ERC2: variants seen among roughly 807,000 people sequenced by gnomAD.
ERC2 encodes ERC protein 2.
ERC2 carries 42 observed loss-of-function variants against 114.8 expected under a neutral mutation model. The ratio of observed to expected loss-of-function variants is 0.37; its 90% CI spans 0.29 to 0.47. The LOEUF is 0.47. ERC2 is among the 20% of genes least tolerant of loss of function. The pLI, the probability that ERC2 is intolerant of heterozygous loss-of-function variation, is 0.99. For missense variants in ERC2, 939 were observed against 1,150.7 expected (o/e 0.82, Z 2.66); for synonymous variants, 454 against 425.5 (o/e 1.07, Z -0.82).
intron 2 of ERC2, among the ~76,000 whole-genome samples, chr3:56,344,297 A>T (rs991681145): frequency 3.3e-5 from 5 of 152,136 alleles, no homozygotes; most frequent in African/African-American, 4.8e-5. Context: ...CCAGCCCTCC[A>T]TTGCCCTGGC....
At chr3:56,068,886 G>T (rs577086236) in intron 7 of ERC2, among the ~76,000 whole-genome samples, 268 of 152,204 alleles carry the variant, frequency 1.8e-3, no homozygotes, top group Non-Finnish European at 3.4e-3. Context: ...TTCTAATTTG[G>T]TTGCACTGTG....
intron 17 of ERC2, among the ~76,000 whole-genome samples, chr3:55,608,279 A>G (rs902159691): frequency 2.0e-5 from 3 of 152,246 alleles, no homozygotes; most frequent in Non-Finnish European, 4.4e-5. Context: ...TTTTAGAGAC[A>G]AAGAAAGGAT....
chr3:56,097,111 C>T (rs988311865), intron 6 of ERC2, among the ~76,000 whole-genome samples: 4 of 152,090 alleles, frequency 2.6e-5, no homozygotes, highest in Admixed American at 6.5e-5. Flanking sequence ...CTGAAATGGG[C>T]GGTAACACCA....
intron 17 of ERC2, among the ~76,000 whole-genome samples, chr3:55,552,155 A>C (rs986894074): frequency 6.6e-6 from 1 of 152,194 alleles, no homozygotes. Context: ...GTGTAGGCCC[A>C]ATCGGCATGC....
At chr3:55,822,984 G>A (rs575129571) in intron 14 of ERC2, among the ~76,000 whole-genome samples, 3 of 152,096 alleles carry the variant, frequency 2.0e-5, no homozygotes, top group South Asian at 4.2e-4. Flanking sequence ...TTCTTCATTC[G>A]CCAATCACAC....
intron 14 of ERC2, among the ~76,000 whole-genome samples, chr3:55,835,976 C>G (rs2060860189): frequency 6.6e-6 from 1 of 151,428 alleles, no homozygotes; most frequent in Non-Finnish European, 1.5e-5. Flanking sequence ...AACAGAGAGC[C>G]AAATCATGAG....
chr3:56,395,929 C>G (rs1347980220), intron 2 of ERC2, among the ~76,000 whole-genome samples: 1 of 152,160 alleles, frequency 6.6e-6, no homozygotes, highest in Non-Finnish European at 1.5e-5. Context: ...TTTACGTGAA[C>G]AGACGGTTCA....
chr3:55,621,777 G>A (rs1210952143), intron 17 of ERC2, among the ~76,000 whole-genome samples: 1 of 152,142 alleles, frequency 6.6e-6, no homozygotes, highest in Non-Finnish European at 1.5e-5. Flanking sequence ...AGGCCAATTG[G>A]GGGAGAAAAG....
At chr3:55,591,647 A>T (rs900311732) in intron 17 of ERC2, among the ~76,000 whole-genome samples, 13 of 151,746 alleles carry the variant, frequency 8.6e-5, no homozygotes, top group African/African-American at 3.1e-4. Flanking sequence ...CCAAGGCCAA[A>T]ACCAAACATC....
At chr3:55,747,672 C>A (rs1390902199) in intron 14 of ERC2, among the ~76,000 whole-genome samples, 2 of 152,204 alleles carry the variant, frequency 1.3e-5, no homozygotes, top group Non-Finnish European at 2.9e-5. Context: ...GAACAGAAAG[C>A]AAATACATGT....
chr3:56,278,626 TA>T (rs2054160390), intron 3 of ERC2, among the ~76,000 whole-genome samples: 1 of 152,340 alleles, frequency 6.6e-6, no homozygotes, highest in South Asian at 2.1e-4. Flanking sequence ...CTGGATAATT[TA>T]TAAAGAAAAG....
intron 4 of ERC2, among the ~76,000 whole-genome samples, chr3:56,172,885 G>A (rs2082751502): frequency 6.6e-6 from 1 of 152,128 alleles, no homozygotes; most frequent in Non-Finnish European, 1.5e-5. Context: ...TTTAAATAGT[G>A]TATCTCTATG....
intron 2 of ERC2, among the ~76,000 whole-genome samples, chr3:56,297,172 G>A (rs2055500426): frequency 6.7e-6 from 1 of 149,928 alleles, no homozygotes; most frequent in Non-Finnish European, 1.5e-5. Flanking sequence ...TCCAGTGCAA[G>A]CAAAGGATAT....
At chr3:56,393,474 T>G (rs1388232955) in intron 2 of ERC2, among the ~76,000 whole-genome samples, 1 of 152,206 alleles carries the variant, frequency 6.6e-6, no homozygotes, top group Non-Finnish European at 1.5e-5. Flanking sequence ...TTCCTAGTTA[T>G]GGCCCCATTA....
chr3:55,920,415 AAC>A (rs10560997), intron 13 of ERC2, among the ~76,000 whole-genome samples: 17,828 of 146,750 alleles, frequency 0.12, 1,756 homozygotes, highest in African/African-American at 0.27. Context: ...GGCACACTAA[AAC>A]ACACACACAC....
intron 3 of ERC2, among the ~76,000 whole-genome samples, chr3:56,256,266 CA>C (rs2052510504): frequency 1.3e-5 from 2 of 152,208 alleles, no homozygotes; most frequent in African/African-American, 2.4e-5. Flanking sequence ...GTTAATATTT[CA>C]AAAACATTAA....
intron 17 of ERC2, among the ~76,000 whole-genome samples, chr3:55,587,861 C>T (rs1037493987): frequency 2.0e-5 from 3 of 152,208 alleles, no homozygotes; most frequent in African/African-American, 7.2e-5. Flanking sequence ...ACCCATTTCA[C>T]AGCCAGGGGT....
intron 3 of ERC2, among the ~76,000 whole-genome samples, chr3:56,290,354 GA>G (rs1207121554): frequency 6.6e-6 from 1 of 152,184 alleles, no homozygotes; most frequent in African/African-American, 2.4e-5. Context: ...TGAGGTCTGG[GA>G]ATACTGATGG....
chr3:56,416,930 G>A (rs114675651), intron 2 of ERC2, among the ~76,000 whole-genome samples: 2,530 of 152,282 alleles, frequency 0.017, 25 homozygotes, highest in Non-Finnish European at 0.027. Context: ...GTAGAAAGTA[G>A]GTAGACATAT....
Sources: allele counts gnomAD v4.1 joint callset (sites outside exome capture counted in the v4.1 genomes callset), GRCh38; gene constraint gnomAD v4.1.1; transcripts MANE v1.5; gene names NCBI Gene and HGNC (gene_info 2026-07-23, HGNC 2026-07-21).